CDON: variants seen among roughly 807,000 people sequenced by gnomAD.
The protein encoded by CDON is cell adhesion molecule-related/down-regulated by oncogenes.
In CDON, 73 loss-of-function variants were observed where a neutral mutation model predicts 120.9. That is an observed-to-expected ratio of 0.60 (90% CI 0.50 to 0.73). The LOEUF (loss-of-function observed/expected upper bound fraction) is 0.73. CDON is among the 30% of genes least tolerant of loss of function. The pLI, the probability that CDON is intolerant of heterozygous loss-of-function variation, is 0.00. For synonymous variants in CDON, 566 were observed against 573.5 expected (o/e 0.99, Z 0.19); for missense variants, 1,470 against 1,587.3 (o/e 0.93, Z 1.26).
At chr11:126,015,897 G>A (rs1947453941) in intron 6 of CDON, among the ~76,000 whole-genome samples, 1 of 152,132 alleles carries the variant, frequency 6.6e-6, no homozygotes, top group African/African-American at 2.4e-5. Context: ...ACAGAAGAAC[G>A]TTTTACTCAG....
Position 125,961,031 on chromosome 11 carries a change from C to A in CDON, c.3706G>T (p.Glu1236Ter), listed in dbSNP as rs373765094. Residue 1236 changes from glutamate (E) to a stop codon, truncating the protein, a stop_gained, in exon 20 of 20, where the codon GAG becomes TAG. Coordinates refer to ENST00000531738, the MANE Select transcript of CDON (RefSeq NM_001378964.1). LOFTEE classifies it high-confidence loss of function. ...WNALILPPVP[E>*]GCAEKTMWSP... The stretch of plus-strand genomic sequence containing the variant: ...CACATTGTCTTCTCAGCACAGCCCT[C>A]GGGGACAGGTGGCAAAATAAGAGCA... 6.2e-7 allele frequency: 1 copy of A among 1,613,990 alleles called. No homozygotes were observed. Among genetic ancestry groups the A allele is most frequent in the Non-Finnish European group, 8.5e-7 (1 of 1,179,918 alleles).
intron 14 of CDON, among the ~76,000 whole-genome samples, 199 bp from the exon 15 acceptor site, chr11:125,989,958 A>C (rs1431049055): frequency 6.6e-6 from 1 of 152,210 alleles, no homozygotes; most frequent in Non-Finnish European, 1.5e-5. Context: ...GCATGAAAAA[A>C]AGGTAAAGAG....
At chr11:126,022,373 T>C (rs574702548) in intron 2 of CDON, among the ~76,000 whole-genome samples, 10 of 152,328 alleles carry the variant, frequency 6.6e-5, no homozygotes, top group South Asian at 4.1e-4. Context: ...GAAGCCACAA[T>C]TGAAATACAA....
intron 2 of CDON, among the ~76,000 whole-genome samples, chr11:126,023,158 T>TAA (rs964345211): frequency 2.8e-5 from 4 of 142,996 alleles, no homozygotes; most frequent in African/African-American, 7.9e-5. Flanking sequence ...TATTTTTTTT[T>TAA]AAAAAATGAA....
intron 18 of CDON, among the ~76,000 whole-genome samples, chr11:125,966,215 T>C (rs757859213): frequency 6.6e-6 from 1 of 150,926 alleles, no homozygotes; most frequent in African/African-American, 2.4e-5. Context: ...GTGATGCAGA[T>C]AGTGAGTGAG....
chr11:125,986,801 T>G (rs532624244), intron 15 of CDON, among the ~76,000 whole-genome samples: 6 of 151,518 alleles, frequency 4.0e-5, no homozygotes, highest in Middle Eastern at 3.4e-3. Context: ...AACATTAACT[T>G]GGGGTTCAAT....
intron 7 of CDON, 58 bp downstream of exon 7, chr11:126,015,183 A>T: frequency 1.3e-6 from 2 of 1,511,076 alleles, no homozygotes; most frequent in Non-Finnish European, 1.8e-6. Flanking sequence ...TTTTGACCAC[A>T]ACAAAAGCCC....
intron 1 of CDON, among the ~76,000 whole-genome samples, chr11:126,025,805 ATAAG>A (rs1390889424): frequency 3.3e-5 from 5 of 152,224 alleles, no homozygotes; most frequent in African/African-American, 1.2e-4. Flanking sequence ...ATATATAAAA[ATAAG>A]TAACAGACAA....
chr11:125,983,526 G>A (rs1376960485), intron 16 of CDON, among the ~76,000 whole-genome samples: 1 of 152,200 alleles, frequency 6.6e-6, no homozygotes, highest in Admixed American at 6.5e-5. Flanking sequence ...CTGTACCAGT[G>A]TAAAGGTGTT....
Position 125,961,976 on chromosome 11 carries a change from T to C in CDON, c.3379A>G (p.Thr1127Ala), listed in dbSNP as rs558907887. ...ACAGGAGGAGGGCTGCTGCTGAAAG[T>C]GCTGTTGGTTTTGGTGAAACACCTG... is the stretch of plus-strand genomic sequence containing the variant. ...NNRCFTKTNS[T>A]FSSSPPPVVP... Residue 1127 changes from threonine (T) to alanine (A), a missense_variant, in exon 19 of 20, where the codon ACT becomes GCT. By Grantham distance (58) the Thr-to-Ala change is moderately conservative (BLOSUM62 0). Coordinates refer to ENST00000531738, the MANE Select transcript of CDON (RefSeq NM_001378964.1). 1.2e-6 allele frequency: 2 copies of C among 1,614,180 alleles called. No homozygotes were observed. Among genetic ancestry groups the C allele is most frequent in the East Asian group, 2.2e-5 (1 of 44,884 alleles).
chr11:125,972,721 A>C (rs1164255930), intron 18 of CDON, among the ~76,000 whole-genome samples: 1 of 152,230 alleles, frequency 6.6e-6, no homozygotes, highest in Non-Finnish European at 1.5e-5. Flanking sequence ...AAATATGCTT[A>C]AGTTTACAAC....
At chr11:125,981,649 A>T (rs1364938336) in intron 16 of CDON, among the ~76,000 whole-genome samples, 2 of 152,200 alleles carry the variant, frequency 1.3e-5, no homozygotes, top group African/African-American at 4.8e-5. Context: ...TGATTCTGTT[A>T]ACGGGAAGAA....
intron 18 of CDON, among the ~76,000 whole-genome samples, chr11:125,969,906 T>G (rs1945915218): frequency 6.6e-6 from 1 of 152,248 alleles, no homozygotes; most frequent in South Asian, 2.1e-4. Flanking sequence ...AAGAATATTC[T>G]TGTAAAACTA....
At position 126,023,100 on chromosome 11, in the gene CDON, A is replaced by G. The variant is rs575194272; in HGVS notation, c.76+301T>C. Among the ~76,000 whole-genome samples, 3 of 152,340 alleles carry G rather than the reference A, an allele frequency of 2.0e-5. No individual in the cohort carries two copies. The South Asian group carries it at 6.2e-4, about 32-fold the overall frequency. On this transcript the variant is annotated intron_variant, in intron 2 of 19. Coordinates refer to ENST00000531738, the MANE Select transcript of CDON (RefSeq NM_001378964.1). The stretch of plus-strand genomic sequence containing the variant: ...ATTCCTGTTCTTTCCAAGTTCAGAA[A>G]TTAGTGACATATCCCCTTATTTAAA...
At chr11:125,994,515 A>AT (rs1231004204) in intron 13 of CDON, 126 bp from the exon 14 acceptor site, 1 of 685,102 alleles carries the variant, frequency 1.5e-6, no homozygotes, top group African/African-American at 1.8e-5. Context: ...AATAATGGCC[A>AT]TTTTTAATTT....
At chr11:126,024,907 A>T (rs376877051) in intron 1 of CDON, among the ~76,000 whole-genome samples, 1 of 152,204 alleles carries the variant, frequency 6.6e-6, no homozygotes, top group Non-Finnish European at 1.5e-5. Context: ...CAGGGAGAAT[A>T]TAAGAAATAT....
intron 18 of CDON, among the ~76,000 whole-genome samples, chr11:125,964,534 G>C (rs936217202): frequency 6.6e-6 from 1 of 151,960 alleles, no homozygotes; most frequent in South Asian, 2.1e-4. Flanking sequence ...CTGCAAGTTT[G>C]TGTATCTGAT....
At chr11:125,989,780 C>T (rs773982809) in intron 14 of CDON, 21 bp from the exon 15 acceptor site, 18 of 1,607,224 alleles carry the variant, frequency 1.1e-5, no homozygotes, top group Admixed American at 1.7e-5. Context: ...AAATAAAAGG[C>T]TTTACACATC....
chr11:125,988,880 A>G (rs1182731476), intron 15 of CDON, among the ~76,000 whole-genome samples: 1 of 152,160 alleles, frequency 6.6e-6, no homozygotes, highest in East Asian at 1.9e-4. Flanking sequence ...CACCTTTAAC[A>G]TATGTTGCAC....
Sources: allele counts gnomAD v4.1 joint callset (sites outside exome capture counted in the v4.1 genomes callset), GRCh38; gene constraint gnomAD v4.1.1; transcripts MANE v1.5; gene names NCBI Gene and HGNC (gene_info 2026-07-23, HGNC 2026-07-21).